IQCK: variants seen among roughly 807,000 people sequenced by gnomAD.
IQCK encodes IQ motif containing K.
A neutral mutation model predicts 28.1 loss-of-function variants in IQCK; 29 were observed. The observed-to-expected ratio is 1.03, with a 90% CI of 0.77 to 1.41. The LOEUF (loss-of-function observed/expected upper bound fraction) is 1.41, where lower values mean the gene tolerates loss of function less well. Among genes scored for constraint, IQCK ranks in the 40% most tolerant of loss-of-function variants. IQCK has a pLI of 0.00. For missense variants in IQCK, 359 were observed against 314.7 expected (o/e 1.14, Z -1.07); for synonymous variants, 113 against 115.1 (o/e 0.98, Z 0.12).
intron 4 of IQCK, among the ~76,000 whole-genome samples, chr16:19,763,109 G>C (rs1023604409): frequency 6.6e-6 from 1 of 152,134 alleles, no homozygotes; most frequent in Admixed American, 6.5e-5. Context: ...CACAAATTTT[G>C]TATATGTATT....
intron 4 of IQCK, chr16:19,736,007 A>G (rs2151685616): frequency 4.7e-6 from 2 of 422,206 alleles, no homozygotes; most frequent in Non-Finnish European, 9.4e-6. Flanking sequence ...TTGAGGTTGC[A>G]GTGATCCATG....
At chr16:19,850,830 C>T (rs2056472708) in intron 9 of IQCK, among the ~76,000 whole-genome samples, 1 of 151,996 alleles carries the variant, frequency 6.6e-6, no homozygotes, top group Non-Finnish European at 1.5e-5. Context: ...GGCTGGGCAA[C>T]ATAGCAAGAC....
At chr16:19,836,662 C>CGT (rs1567198756) in intron 9 of IQCK, among the ~76,000 whole-genome samples, 1 of 152,052 alleles carries the variant, frequency 6.6e-6, no homozygotes, top group Non-Finnish European at 1.5e-5. Flanking sequence ...TACAGGCGCA[C>CGT]GCCACCACGC....
intron 1 of IQCK, among the ~76,000 whole-genome samples, chr16:19,726,177 G>A (rs1977650287): frequency 6.7e-6 from 1 of 149,246 alleles, no homozygotes; most frequent in African/African-American, 2.6e-5. Context: ...GCCTCCCAAA[G>A]TGCTGGGATT....
chr16:19,802,952 G>A (rs532830485), intron 7 of IQCK, among the ~76,000 whole-genome samples: 2 of 152,222 alleles, frequency 1.3e-5, no homozygotes, highest in South Asian at 2.1e-4. Context: ...CGTAAGACTC[G>A]TTTATTTGAA....
intron 1 of IQCK, among the ~76,000 whole-genome samples, chr16:19,730,153 A>G (rs886769504): frequency 1.4e-4 from 22 of 151,776 alleles, no homozygotes; most frequent in African/African-American, 5.1e-4. Context: ...ACAGGGTTTC[A>G]CCAGGTTGGC....
intron 6 of IQCK, among the ~76,000 whole-genome samples, chr16:19,767,575 C>G (rs2055257710): frequency 6.6e-6 from 1 of 152,088 alleles, no homozygotes; most frequent in Non-Finnish European, 1.5e-5. Flanking sequence ...CCGTGAGCAG[C>G]TGCTTGTATC....
chr16:19,772,116 G>A (rs948218529), intron 6 of IQCK, among the ~76,000 whole-genome samples: 1 of 152,146 alleles, frequency 6.6e-6, no homozygotes, highest in Non-Finnish European at 1.5e-5. Flanking sequence ...CTGGGCCCAG[G>A]GGATCGTAGG....
At chr16:19,786,464 G>T (rs947129009) in intron 6 of IQCK, among the ~76,000 whole-genome samples, 2 of 147,570 alleles carry the variant, frequency 1.4e-5, no homozygotes, top group Non-Finnish European at 2.9e-5. Flanking sequence ...TTGGGAGGCA[G>T]AGGTGGGTGG....
At chr16:19,753,109 C>T (rs573246084) in intron 4 of IQCK, among the ~76,000 whole-genome samples, 1 of 151,972 alleles carries the variant, frequency 6.6e-6, no homozygotes, top group Non-Finnish European at 1.5e-5. Flanking sequence ...TGAGCCAACT[C>T]GGGTCAATTG....
At chr16:19,817,201 T>C (rs975137120) in intron 7 of IQCK, among the ~76,000 whole-genome samples, 2 of 152,154 alleles carry the variant, frequency 1.3e-5, no homozygotes, top group Non-Finnish European at 2.9e-5. Flanking sequence ...TACTTTTATT[T>C]TAAAAATAAA....
At chr16:19,853,121 C>T (rs1015008109) in intron 9 of IQCK, among the ~76,000 whole-genome samples, 8 of 152,050 alleles carry the variant, frequency 5.3e-5, no homozygotes, top group East Asian at 1.9e-4. Flanking sequence ...CAGTGGGATA[C>T]GGGAGTGGAA....
intron 4 of IQCK, among the ~76,000 whole-genome samples, chr16:19,746,153 C>CAA (rs1163809152): frequency 4.3e-4 from 25 of 57,752 alleles, no homozygotes; most frequent in Non-Finnish European, 5.8e-4. Context: ...GACTATGTCT[C>CAA]AAAAAAAAAA....
At chr16:19,822,198 C>T (rs931410246) in intron 7 of IQCK, among the ~76,000 whole-genome samples, 2 of 150,174 alleles carry the variant, frequency 1.3e-5, no homozygotes, top group Non-Finnish European at 3.0e-5. Context: ...CCAGCCTGGC[C>T]AACATGGTGA....
intron 7 of IQCK, among the ~76,000 whole-genome samples, chr16:19,808,608 G>A (rs2055861810): frequency 6.6e-6 from 1 of 152,202 alleles, no homozygotes; most frequent in Non-Finnish European, 1.5e-5. Flanking sequence ...GAGTAAATGA[G>A]AAACCTGTAT....
chr16:19,780,069 G>A (rs1189970940), intron 6 of IQCK, among the ~76,000 whole-genome samples: 1 of 143,808 alleles, frequency 7.0e-6, no homozygotes, highest in Non-Finnish European at 1.5e-5. Context: ...TTGAGATGGA[G>A]TCTCGCTCTG....
At chr16:19,756,794 G>A (rs1308343511) in intron 4 of IQCK, among the ~76,000 whole-genome samples, 1 of 152,024 alleles carries the variant, frequency 6.6e-6, no homozygotes, top group East Asian at 1.9e-4. Flanking sequence ...CTACTTGGGA[G>A]GCTGAGGCAG....
downstream of IQCK, among the ~76,000 whole-genome samples, chr16:19,831,511 C>T (rs2056232955): frequency 6.6e-6 from 1 of 152,062 alleles, no homozygotes; most frequent in Non-Finnish European, 1.5e-5. Flanking sequence ...AAATAAATCT[C>T]CCCAGCCAAG....
chr16:19,745,716 C>G (rs2054901362), intron 4 of IQCK, among the ~76,000 whole-genome samples: 1 of 152,164 alleles, frequency 6.6e-6, no homozygotes, highest in African/African-American at 2.4e-5. Flanking sequence ...TTTCATGACT[C>G]TGGGCCGACT....
Sources: gnomAD v4.1 joint callset for allele counts (sites outside exome capture counted in the v4.1 genomes callset) on GRCh38, gnomAD v4.1.1 for gene constraint, MANE v1.5 for transcripts, NCBI Gene and HGNC (gene_info 2026-07-23, HGNC 2026-07-21) for gene names.